The following RBFOX1 variants were observed in gnomAD, a reference collection of about 807,000 sequenced individuals.
RBFOX1 encodes the protein RNA binding protein fox-1 homolog 1.
In RBFOX1, 8 loss-of-function variants were observed where a neutral mutation model predicts 57.7. The ratio of observed to expected loss-of-function variants is 0.14; its 90% CI spans 0.08 to 0.25. The LOEUF is 0.25. RBFOX1 is among the 10% of genes least tolerant of loss of function. The pLI, the probability that RBFOX1 is intolerant of heterozygous loss-of-function variation, is 1.00. For synonymous variants in RBFOX1, 326 were observed against 222.4 expected (o/e 1.47, Z -4.15); for missense variants, 611 against 548.5 (o/e 1.11, Z -1.14).
At chr16:5,849,284 T>C (rs1254739657) in intron 3 of RBFOX1, among the ~76,000 whole-genome samples, 3 of 152,130 alleles carry the variant, frequency 2.0e-5, no homozygotes, top group Non-Finnish European at 4.4e-5. Context: ...TTAGCAGTCA[T>C]GTGGATTTGG....
chr16:5,355,474 G>C (rs1308966076), intron 1 of RBFOX1, among the ~76,000 whole-genome samples: 1 of 152,168 alleles, frequency 6.6e-6, no homozygotes, highest in Non-Finnish European at 1.5e-5. Flanking sequence ...AGGCACCTTT[G>C]CTGGCTCAAG....
At chr16:7,698,183 GGT>G (rs59239865) in intron 14 of RBFOX1, among the ~76,000 whole-genome samples, 3,503 of 136,158 alleles carry the variant, frequency 0.026, 135 homozygotes, top group African/African-American at 0.083. Flanking sequence ...AGTCCAAGAG[GGT>G]GTGTGTGTGT....
At chr16:6,328,332 T>A (rs1391007098) in intron 2 of RBFOX1, among the ~76,000 whole-genome samples, 2 of 152,114 alleles carry the variant, frequency 1.3e-5, no homozygotes, top group Non-Finnish European at 2.9e-5. Flanking sequence ...GTTCAGTGTA[T>A]ACTCCTCGGG....
At chr16:6,506,177 C>G (rs1223809560) in intron 2 of RBFOX1, among the ~76,000 whole-genome samples, 1 of 152,108 alleles carries the variant, frequency 6.6e-6, no homozygotes, top group Non-Finnish European at 1.5e-5. Context: ...GTCTTCTGGA[C>G]AACAGGAGTG....
rs576380750 is a variant in RBFOX1, at chr16:7,214,690, C to T, written c.27+162592C>T. 3.3e-4 allele frequency among the ~76,000 whole-genome samples: 50 copies of T among 152,184 alleles called. No individual in the cohort carries two copies. In the South Asian group the frequency reaches 9.1e-3, roughly 28 times the overall value. On this transcript the variant is annotated intron_variant, in intron 4 of 15. Coordinates refer to ENST00000550418, the MANE Select transcript of RBFOX1 (RefSeq NM_018723.4). ...AGCCCTGCACATAAAATCCAGAACC[C>T]TTCACACAGGCTACCGTATACTGCG... is the stretch of plus-strand genomic sequence containing the variant.
At chr16:6,819,074 C>T (rs976084496) in intron 3 of RBFOX1, among the ~76,000 whole-genome samples, 7 of 152,192 alleles carry the variant, frequency 4.6e-5, no homozygotes, top group African/African-American at 1.7e-4. Context: ...TGAGTTCTGT[C>T]TGAATCCAAA....
At chr16:7,617,901 C>A (rs2058715149) in intron 10 of RBFOX1, among the ~76,000 whole-genome samples, 1 of 151,986 alleles carries the variant, frequency 6.6e-6, no homozygotes, top group Admixed American at 6.6e-5. Flanking sequence ...AAGAGTTCAC[C>A]TGGTAAGAAA....
chr16:5,909,654 G>T (rs896023907), intron 4 of RBFOX1, among the ~76,000 whole-genome samples: 2 of 152,138 alleles, frequency 1.3e-5, no homozygotes, highest in Non-Finnish European at 2.9e-5. Flanking sequence ...CTCTACCTGA[G>T]GTCTGTTTGC....
chr16:6,293,408 C>T (rs961435226), intron 1 of RBFOX1, among the ~76,000 whole-genome samples: 48 of 151,668 alleles, frequency 3.2e-4, no homozygotes, highest in African/African-American at 1.1e-3. Flanking sequence ...ATATTCCTAT[C>T]GCTCTGCCCG....
At chr16:5,327,983 G>C (rs981879293) in intron 1 of RBFOX1, among the ~76,000 whole-genome samples, 3 of 152,286 alleles carry the variant, frequency 2.0e-5, no homozygotes, top group South Asian at 4.1e-4. Flanking sequence ...AGGAGAAAAG[G>C]AGAGGTATTT....
chr16:7,660,888 G>A (rs550833629), intron 12 of RBFOX1, among the ~76,000 whole-genome samples: 24 of 152,202 alleles, frequency 1.6e-4, no homozygotes, highest in African/African-American at 3.1e-4. Context: ...CTGTGGAGCC[G>A]GACCCCCTGG....
intron 2 of RBFOX1, among the ~76,000 whole-genome samples, chr16:5,557,405 C>T (rs1177159148): frequency 1.5e-5 from 1 of 67,622 alleles, no homozygotes; most frequent in Non-Finnish European, 3.6e-5. Flanking sequence ...GGCATTGGGT[C>T]CCCATATGAA....
rs1203168616 is a variant in RBFOX1, at chr16:6,782,780, G to C, written c.-16+128130G>C. On this transcript the variant is annotated intron_variant, in intron 3 of 15. Coordinates refer to ENST00000550418, the MANE Select transcript of RBFOX1 (RefSeq NM_018723.4). ...CGCACATTAAGTCAGATGTGTCTTTGTTAATTTTCTTTCTAGGTTTTTTGT... is the reference window on the plus strand; with the variant it reads ...CGCACATTAAGTCAGATGTGTCTTTCTTAATTTTCTTTCTAGGTTTTTTGT... Among the ~76,000 whole-genome samples, 3 of 152,146 alleles carry C rather than the reference G, an allele frequency of 2.0e-5. No individual in the cohort carries two copies. In the East Asian group the frequency reaches 5.8e-4, roughly 29 times the overall value.
chr16:6,405,557 C>A (rs1252469635), intron 2 of RBFOX1, among the ~76,000 whole-genome samples: 1 of 152,160 alleles, frequency 6.6e-6, no homozygotes, highest in East Asian at 1.9e-4. Context: ...GCAAGTGAAA[C>A]TCCTTGGTCA....
chr16:6,489,165 T>C (rs976310536), intron 2 of RBFOX1, among the ~76,000 whole-genome samples: 3 of 152,196 alleles, frequency 2.0e-5, no homozygotes, highest in Non-Finnish European at 4.4e-5. Context: ...ATGAAATTTC[T>C]TTCCTTGGTA....
At chr16:5,377,548 GA>G (rs1320812199) in intron 1 of RBFOX1, among the ~76,000 whole-genome samples, 1 of 142,152 alleles carries the variant, frequency 7.0e-6, no homozygotes, top group Non-Finnish European at 1.5e-5. Context: ...GGTGAGGGAG[GA>G]GGAGGGAAAG....
intron 5 of RBFOX1, among the ~76,000 whole-genome samples, chr16:7,559,883 C>G (rs567108307): frequency 1.3e-5 from 2 of 152,176 alleles, no homozygotes; most frequent in Non-Finnish European, 2.9e-5. Context: ...AGTAACATGT[C>G]CAAGGTCAAA....
At chr16:5,413,998 C>G (rs2067093337) in intron 1 of RBFOX1, among the ~76,000 whole-genome samples, 2 of 152,130 alleles carry the variant, frequency 1.3e-5, no homozygotes, top group South Asian at 4.2e-4. Context: ...CATTGAGGCT[C>G]TGGAAAGGTG....
At chr16:6,868,900 G>C (rs1016735141) in intron 3 of RBFOX1, among the ~76,000 whole-genome samples, 1 of 152,184 alleles carries the variant, frequency 6.6e-6, no homozygotes, top group African/African-American at 2.4e-5. Flanking sequence ...GTGGATGCTT[G>C]AAGTGACATT....
Sources: gnomAD v4.1 joint callset for allele counts (sites outside exome capture counted in the v4.1 genomes callset) on GRCh38, gnomAD v4.1.1 for gene constraint, MANE v1.5 for transcripts, NCBI Gene and HGNC (gene_info 2026-07-23, HGNC 2026-07-21) for gene names.